Variants in CFAP54 observed in about 807,000 individuals in gnomAD.
The protein encoded by CFAP54 is cilia and flagella associated protein 54.
In CFAP54, 290 loss-of-function variants were observed where a neutral mutation model predicts 370.4. That is an observed-to-expected ratio of 0.78 (90% CI 0.71 to 0.86). CFAP54 has a LOEUF of 0.86. Among genes scored for constraint, CFAP54 ranks in the 40% least tolerant of loss-of-function variants. CFAP54 has a pLI of 0.00. For missense variants in CFAP54, 3,399 were observed against 3,528.7 expected, an observed-to-expected ratio of 0.96 and a Z score of 0.93; for synonymous variants, 1,206 against 1,236.5, an observed-to-expected ratio of 0.98 and a Z score of 0.52.
intron 32 of CFAP54, among the ~76,000 whole-genome samples, chr12:96,632,006 A>C (rs1475007620): frequency 6.6e-6 from 1 of 151,716 alleles, no homozygotes; most frequent in Non-Finnish European, 1.5e-5. Context: ...CTTCACCAAC[A>C]CTTGACATTA....
At chr12:96,817,460 G>A (rs572571262) in intron 64 of CFAP54, among the ~76,000 whole-genome samples, 19 of 146,588 alleles carry the variant, frequency 1.3e-4, no homozygotes, top group Non-Finnish European at 2.7e-4. Context: ...TCGCTCTGTC[G>A]CCCAGGCTGG....
chr12:96,507,534 T>C (rs11108555), intron 4 of CFAP54, among the ~76,000 whole-genome samples: 340 of 140,586 alleles, frequency 2.4e-3, no homozygotes, highest in Non-Finnish European at 3.5e-3. Flanking sequence ...CACACACACA[T>C]ACACACACAC....
At chr12:96,776,102 T>C (rs1958516249) in intron 60 of CFAP54, among the ~76,000 whole-genome samples, 2 of 152,168 alleles carry the variant, frequency 1.3e-5, no homozygotes, top group South Asian at 4.1e-4. Flanking sequence ...TAGAAAGTTG[T>C]AATTTTAGGG....
At chr12:96,722,344 G>A (rs1355968709) in intron 50 of CFAP54, among the ~76,000 whole-genome samples, 1 of 152,126 alleles carries the variant, frequency 6.6e-6, no homozygotes, top group Non-Finnish European at 1.5e-5. Flanking sequence ...TCATTGATGA[G>A]GTGACATCTG....
At chr12:96,814,977 C>A (rs1172737591) in intron 64 of CFAP54, among the ~76,000 whole-genome samples, 1 of 152,040 alleles carries the variant, frequency 6.6e-6, no homozygotes, top group African/African-American at 2.4e-5. Context: ...GGGTTGATTC[C>A]AAGTCTTTGC....
chr12:96,764,077 TA>T, intron 58 of CFAP54, 73 bp from the exon 59 acceptor site: 1 of 967,060 alleles, frequency 1.0e-6, no homozygotes. Context: ...AGCATTTCAC[TA>T]AAATGTCATC....
At chr12:96,708,356 T>C (rs983086091) in intron 47 of CFAP54, among the ~76,000 whole-genome samples, 1 of 152,150 alleles carries the variant, frequency 6.6e-6, no homozygotes, top group Non-Finnish European at 1.5e-5. Flanking sequence ...AGGTTTACTC[T>C]GCCACGATGG....
At chr12:96,858,182 C>T (rs1959765805) in intron 66 of CFAP54, among the ~76,000 whole-genome samples, 1 of 152,088 alleles carries the variant, frequency 6.6e-6, no homozygotes, top group African/African-American at 2.4e-5. Flanking sequence ...TATTTTTTGA[C>T]TGTTTAATAT....
At chr12:96,802,383 G>A (rs1468630296) in intron 63 of CFAP54, among the ~76,000 whole-genome samples, 2 of 152,122 alleles carry the variant, frequency 1.3e-5, no homozygotes, top group Non-Finnish European at 2.9e-5. Flanking sequence ...GGCCCACCCA[G>A]CTAAGGGAGG....
At chr12:96,727,578 A>G (rs983948699) in intron 50 of CFAP54, among the ~76,000 whole-genome samples, 47 of 150,584 alleles carry the variant, frequency 3.1e-4, no homozygotes, top group Admixed American at 7.9e-4. Context: ...GTCTCTGCAC[A>G]TGAGATGGGT....
At chr12:96,768,381 G>A (rs545910049) in intron 60 of CFAP54, among the ~76,000 whole-genome samples, 70 of 151,872 alleles carry the variant, frequency 4.6e-4, no homozygotes, top group Non-Finnish European at 9.0e-4. Context: ...GGCTGGGTGC[G>A]GTGGGTTATG....
intron 43 of CFAP54, 72 bp from the exon 44 acceptor site, chr12:96,691,056 A>G (rs1438412820): frequency 1.5e-6 from 2 of 1,336,088 alleles, no homozygotes; most frequent in Non-Finnish European, 2.1e-6. Context: ...CAATACATGT[A>G]TTTATCTTTT....
intron 50 of CFAP54, among the ~76,000 whole-genome samples, chr12:96,735,315 T>C (rs1957966526): frequency 6.6e-6 from 1 of 152,184 alleles, no homozygotes; most frequent in Admixed American, 6.5e-5. Context: ...TACATCCACT[T>C]TATCCCCTGA....
chr12:96,677,946 C>A (rs1295931784), intron 39 of CFAP54, among the ~76,000 whole-genome samples: 1 of 152,166 alleles, frequency 6.6e-6, no homozygotes, highest in Non-Finnish European at 1.5e-5. Flanking sequence ...TATTAACTTT[C>A]TTTAGGCTCA....
intron 27 of CFAP54, among the ~76,000 whole-genome samples, chr12:96,622,253 C>T (rs917018239): frequency 2.6e-5 from 4 of 151,904 alleles, no homozygotes; most frequent in African/African-American, 9.7e-5. Flanking sequence ...ATGCTTATTG[C>T]CTTTCCTTGA....
intron 4 of CFAP54, among the ~76,000 whole-genome samples, chr12:96,511,859 C>G (rs1417626932): frequency 6.6e-6 from 1 of 152,196 alleles, no homozygotes; most frequent in African/African-American, 2.4e-5. Flanking sequence ...ATATTAGATA[C>G]TTTATAGAAA....
chr12:96,544,410 ATCTCTCTCTCTCTCTC>A (rs71068815), intron 14 of CFAP54, among the ~76,000 whole-genome samples: 8 of 148,008 alleles, frequency 5.4e-5, no homozygotes, highest in Non-Finnish European at 8.9e-5. Context: ...AAAACAGAAT[ATCTCTCTCTCTCTCTC>A]TCTCTCTCTC....
chr12:96,531,728 GTTGT>G (rs1592835253), intron 9 of CFAP54, among the ~76,000 whole-genome samples: 2 of 151,716 alleles, frequency 1.3e-5, no homozygotes, highest in African/African-American at 2.4e-5. Context: ...TGTTATTTTT[GTTGT>G]TTGTTTGTTT....
At chr12:96,541,538 G>A (rs564508224) in intron 14 of CFAP54, among the ~76,000 whole-genome samples, 124 of 152,090 alleles carry the variant, frequency 8.2e-4, no homozygotes, top group African/African-American at 3.0e-3. Flanking sequence ...TGCCTGCCCT[G>A]GCCTCCCAAA....
Sources: gnomAD v4.1 joint callset for allele counts (sites outside exome capture counted in the v4.1 genomes callset) on GRCh38, gnomAD v4.1.1 for gene constraint, MANE v1.5 for transcripts, NCBI Gene and HGNC (gene_info 2026-07-23, HGNC 2026-07-21) for gene names.